The following SLC41A1 variants were observed in gnomAD, a reference collection of about 807,000 sequenced individuals.
SLC41A1 encodes solute carrier family 41 (magnesium transporter), member 1.
In SLC41A1, 20 loss-of-function variants were observed where a neutral mutation model predicts 47.3. That is an observed-to-expected ratio of 0.42 (90% CI 0.30 to 0.61). SLC41A1 has a LOEUF of 0.61. Among genes scored for constraint, SLC41A1 ranks in the 20% least tolerant of loss-of-function variants. The probability of loss-of-function intolerance (pLI) is 0.17; values close to 1 mark genes in which losing one functional copy is unlikely to be tolerated. For synonymous variants in SLC41A1, 282 were observed against 272.7 expected (o/e 1.03, Z -0.34); for missense variants, 504 against 674.1 (o/e 0.75, Z 2.79).
Position 205,794,909 on chromosome 1 carries a change from G to A in SLC41A1, c.1317C>T (p.Leu439=), listed in dbSNP as rs974434679. 1.9e-6 allele frequency: 3 copies of A among 1,614,082 alleles called. No homozygotes were observed. Among genetic ancestry groups the A allele is most frequent in the Middle Eastern group, 1.7e-4 (1 of 6,054 alleles). Residue 439 remains leucine (L), a synonymous_variant, in exon 10 of 11, where the codon CTC becomes CTT. Coordinates refer to ENST00000367137, the MANE Select transcript of SLC41A1 (RefSeq NM_173854.6). Reference sequence around the variant, plus strand: ...CTGTCATATAGAAGATGATGAAGATGAGTGTGAGGGTGGTGTGCCCGCCCT... The same window carrying A: ...CTGTCATATAGAAGATGATGAAGATAAGTGTGAGGGTGGTGTGCCCGCCCT... ...CMQGGHTTLT[L]IFIIFYMTAA... is the part of the protein sequence containing the mutation.
chr1:205,807,343 C>T (rs1656036332), intron 2 of SLC41A1, among the ~76,000 whole-genome samples: 1 of 152,202 alleles, frequency 6.6e-6, no homozygotes, highest in Non-Finnish European at 1.5e-5. Context: ...TTGTCATCCA[C>T]ACCAAGTGGA....
rs61822590 is a variant in SLC41A1 at position 205,790,115 on chromosome 1, G to A, written c.*1418C>T. 10,305 of 152,356 alleles carry A rather than the reference G, an allele frequency of 0.068. 381 individuals are homozygous for A. The highest frequency in any genetic ancestry group is 0.082 in the African/African-American group (3,409 of 41,548). 9.4% of individuals were successfully genotyped at this position (152,356 alleles called of 1,614,324 possible). On this transcript the variant is annotated 3_prime_UTR_variant, in exon 11 of 11. Coordinates refer to ENST00000367137, the MANE Select transcript of SLC41A1 (RefSeq NM_173854.6). Reference sequence around the variant, plus strand: ...ATAAATACTGGTTGAGCAATGGGGCGGTGGCTCTAGCTGTGGTCAGCACTG... The same window carrying A: ...ATAAATACTGGTTGAGCAATGGGGCAGTGGCTCTAGCTGTGGTCAGCACTG...
chr1:205,793,267 ATCAAGTG>A (rs1236547874), intron 10 of SLC41A1, among the ~76,000 whole-genome samples: 2 of 152,192 alleles, frequency 1.3e-5, no homozygotes, highest in African/African-American at 4.8e-5. Context: ...TTTACAGGGG[ATCAAGTG>A]TCACGCTCTG....
At position 205,798,013 on chromosome 1, in the gene SLC41A1, A is replaced by G. The variant is rs1655788643; in HGVS notation, c.883T>C (p.Phe295Leu). 24 of 1,614,182 alleles carry G rather than the reference A, an allele frequency of 1.5e-5. No individual in the cohort carries two copies. The highest frequency in any genetic ancestry group is 2.0e-5 in the Non-Finnish European group (24 of 1,180,044). Residue 295 changes from phenylalanine to leucine, a missense_variant, in exon 7 of 11, where the codon TTT (phenylalanine) becomes CTT (leucine). Coordinates refer to ENST00000367137, the MANE Select transcript of SLC41A1 (RefSeq NM_173854.6). ...RYIYPLVCAF[F>L]VALLPVWVVL... ...ACCCAGACAGGCAGCAGGGCCACAA[A>G]GAAAGCACACACCAGTGGGTAGATG...
At position 205,790,017 on chromosome 1, in the gene SLC41A1, TCTAAATC is replaced by T. The variant is rs1655582223; in HGVS notation, c.*1509_*1515del. 1 of 152,198 alleles carries T rather than the reference TCTAAATC, an allele frequency of 6.6e-6. No individual in the cohort carries two copies. The highest frequency in any genetic ancestry group is 2.4e-5 in the African/African-American group (1 of 41,436). 9.4% of individuals were successfully genotyped at this position (152,198 alleles called of 1,614,324 possible). On this transcript the variant is annotated 3_prime_UTR_variant, in exon 11 of 11. Coordinates refer to ENST00000367137, the MANE Select transcript of SLC41A1 (RefSeq NM_173854.6). ...ACCAGATGATGTCCACCCTGCTAGT[TCTAAATC>T]CTCTTTTGGGTGCTTGGTAAGGAGA...
rs769019951 is a variant in SLC41A1 at position 205,791,722 on chromosome 1, G to C, written c.1357-4C>G. The C allele has an allele frequency of 1.9e-5, 31 of 1,613,152 alleles. 1 individual carries two copies. In the South Asian group the frequency reaches 2.6e-4, roughly 14 times the overall value. ...CGATGTACAGGAGAATCAGCACCTG[G>C]GGAGACAAAAGGGCCCAGCCTATAG... On this transcript the variant is annotated splice_region_variant and splice_polypyrimidine_tract_variant and intron_variant, in intron 10 of 10. Coordinates refer to ENST00000367137, the MANE Select transcript of SLC41A1 (RefSeq NM_173854.6). This position sits in a 1 kb window ranked among gnomAD's most constrained non-coding sequence, Gnocchi z 4.0.
At chr1:205,809,022 A>T (rs1376688833) in intron 2 of SLC41A1, among the ~76,000 whole-genome samples, 1 of 152,198 alleles carries the variant, frequency 6.6e-6, no homozygotes, top group African/African-American at 2.4e-5. Context: ...GTCAGGGAAC[A>T]CTGGGGGTCC....
intron 9 of SLC41A1, 101 bp downstream of exon 9, chr1:205,795,243 G>A: frequency 6.4e-7 from 1 of 1,572,844 alleles, no homozygotes; most frequent in Non-Finnish European, 8.7e-7. Context: ...CAGCAGAGAA[G>A]GAGAACCTGT....
chr1:205,791,721 G>A lies in SLC41A1; in HGVS notation c.1357-3C>T, dbSNP rs897125454. 6.2e-7 allele frequency: 1 copy of A among 1,613,170 alleles called. No individual in the cohort carries two copies. The highest frequency in any genetic ancestry group is 8.5e-7 in the Non-Finnish European group (1 of 1,179,958). ...GCGATGTACAGGAGAATCAGCACCT[G>A]GGGAGACAAAAGGGCCCAGCCTATA... On this transcript the variant is annotated splice_region_variant and splice_polypyrimidine_tract_variant and intron_variant, in intron 10 of 10. Coordinates refer to ENST00000367137, the MANE Select transcript of SLC41A1 (RefSeq NM_173854.6). The surrounding 1 kb of genome is among the most constrained non-coding windows in gnomAD (Gnocchi z 4.0).
chr1:205,795,577 C>A, intron 8 of SLC41A1, 99 bp from the exon 9 acceptor site: 4 of 1,409,396 alleles, frequency 2.8e-6, no homozygotes, highest in Middle Eastern at 1.8e-4. Flanking sequence ...TATAGAGGCA[C>A]TGTCCTCTGT....
intron 10 of SLC41A1, 62 bp downstream of exon 10, chr1:205,794,808 C>T: frequency 6.2e-7 from 1 of 1,607,220 alleles, no homozygotes; most frequent in Admixed American, 1.7e-5. Context: ...GTCTGGCCTC[C>T]TCTCCCATCC....
rs1356688288 is a variant in SLC41A1, at chr1:205,791,553, C to T, written c.1522G>A (p.Asp508Asn). The T allele has an allele frequency of 1.9e-6, 3 of 1,614,144 alleles. No homozygotes were observed. The South Asian group carries it at 3.3e-5, about 18-fold the overall frequency. Residue 508 changes from aspartate (D) to asparagine (N), a missense_variant, in exon 11 of 11, where the codon GAC becomes AAC. This residue lies in a region of SLC41A1 where 421 missense variants were observed against 601.6 expected (regional missense o/e 0.70). Transcript: ENST00000367137. The surrounding 1 kb of genome is among the most constrained non-coding windows in gnomAD (Gnocchi z 4.0). ...FHVLWLIGDR[D>N]TDVGD ...CCAAGCTAGTCCCCGACATCCGTGT[C>T]TCGGTCCCCTATGAGCCAGAGAACA...
At chr1:205,794,774 G>A (rs746630196) in intron 10 of SLC41A1, 96 bp downstream of exon 10, 35 of 1,502,554 alleles carry the variant, frequency 2.3e-5, no homozygotes, top group Non-Finnish European at 2.9e-5. Context: ...AGAGAAAGAG[G>A]AGGTTGAGTG....
chr1:205,791,451 G>C lies in SLC41A1; in HGVS notation c.*82C>G. Reference sequence around the variant, plus strand: ...AAGTCCTAGAAAGAGGTGGGAGTGTGGGGTGGAGGAGGGACAGGGGAACAA... The same window carrying C: ...AAGTCCTAGAAAGAGGTGGGAGTGTCGGGTGGAGGAGGGACAGGGGAACAA... On this transcript the variant is annotated 3_prime_UTR_variant, in exon 11 of 11. Transcript: ENST00000367137. The surrounding 1 kb of genome is among the most constrained non-coding windows in gnomAD (Gnocchi z 4.0). The C allele has an allele frequency of 2.0e-6, 3 of 1,495,886 alleles. No individual in the cohort carries two copies. Among genetic ancestry groups the C allele is most frequent in the Middle Eastern group, 1.7e-4 (1 of 5,850 alleles). The allele number at this position is 1,495,886 out of a possible 1,614,324, so 92.7% of individuals were successfully genotyped here.
chr1:205,802,719 AAAAATAAAATAAAATAAAAT>A lies in SLC41A1; in HGVS notation c.373-1679_373-1660del, dbSNP rs60350796. On this transcript the variant is annotated intron_variant, in intron 2 of 10. Transcript: ENST00000367137. ...GGCAATAAGAGTGAAACTCTGTCTCAAAAATAAAATAAAATAAAATAAAATAAAATAAAATAAAATAAAAT... is the reference window on the plus strand; with the variant it reads ...GGCAATAAGAGTGAAACTCTGTCTCAAAAATAAAATAAAATAAAATAAAAT... 4.2e-4 allele frequency among the ~76,000 whole-genome samples: 56 copies of A among 133,412 alleles called. No homozygotes were observed. The South Asian group carries it at 5.1e-3, about 12-fold the overall frequency. 87.5% of individuals were successfully genotyped at this position (133,412 alleles called of 152,430 possible).
chr1:205,801,095 G>A, intron 2 of SLC41A1, 35 bp from the exon 3 acceptor site: 1 of 1,569,258 alleles, frequency 6.4e-7, no homozygotes, highest in African/African-American at 1.3e-5. Context: ...GAATTTCAGT[G>A]CCCCAAAGGG....
chr1:205,791,843 T>TAGG lies in SLC41A1; in HGVS notation c.1357-126_1357-125insCCT. 8.2e-7 allele frequency: 1 copy of TAGG among 1,223,906 alleles called. No homozygotes were observed. The highest frequency in any genetic ancestry group is 1.3e-5 in the South Asian group (1 of 76,240). 75.8% of individuals were successfully genotyped at this position (1,223,906 alleles called of 1,614,324 possible). ...TGGCCATAATCCTTACTTTTTAATC[T>TAGG]TCCTCTTTCCACCCCAGCAACCTCT... is the stretch of plus-strand genomic sequence containing the variant. On this transcript the variant is annotated intron_variant, in intron 10 of 10. Coordinates refer to ENST00000367137, the MANE Select transcript of SLC41A1 (RefSeq NM_173854.6). This position sits in a 1 kb window ranked among gnomAD's most constrained non-coding sequence, Gnocchi z 4.0.
At position 205,795,596 on chromosome 1, in the gene SLC41A1, A is replaced by G. The variant is rs1419341268; in HGVS notation, c.1073-118T>C. The stretch of plus-strand genomic sequence containing the variant: ...GAGGCACTGTCCTCTGTCTTAATTT[A>G]GGGTCTATGTGGGCATCACCCATTC... On this transcript the variant is annotated intron_variant, in intron 8 of 10. Coordinates refer to ENST00000367137, the MANE Select transcript of SLC41A1 (RefSeq NM_173854.6). 9.0e-6 allele frequency: 12 copies of G among 1,328,954 alleles called. 1 individual carries two copies. In the East Asian group the frequency reaches 2.7e-4, roughly 30 times the overall value. The allele number at this position is 1,328,954 out of a possible 1,614,324, so 82.3% of individuals were successfully genotyped here.
At chr1:205,801,186 C>T in intron 2 of SLC41A1, 126 bp from the exon 3 acceptor site, 1 of 741,100 alleles carries the variant, frequency 1.3e-6, no homozygotes, top group Non-Finnish European at 2.4e-6. Context: ...GCACGCCAGC[C>T]ACCTTTCCTC....
Sources: gnomAD v4.1 joint callset for allele counts (sites outside exome capture counted in the v4.1 genomes callset) on GRCh38, gnomAD v4.1.1 for gene constraint, gnomAD v4.1.1 regional missense constraint, Gnocchi (gnomAD v3.1) non-coding constraint, MANE v1.5 for transcripts, NCBI Gene and HGNC (gene_info 2026-07-23, HGNC 2026-07-21) for gene names.